NUDCD1: variants seen among roughly 807,000 people sequenced by gnomAD.
NUDCD1 encodes the protein nudC domain-containing protein 1.
In NUDCD1, 60 loss-of-function variants were observed where a neutral mutation model predicts 67.8. The observed-to-expected ratio is 0.88, with a 90% CI of 0.72 to 1.10. NUDCD1 has a LOEUF of 1.10. Ranked by LOEUF, NUDCD1 falls within the 50% of genes least tolerant of loss-of-function variation. NUDCD1 has a pLI of 0.00. For synonymous variants in NUDCD1, 244 were observed against 230.8 expected (o/e 1.06, Z -0.52); for missense variants, 643 against 695.0 (o/e 0.93, Z 0.84).
intron 5 of NUDCD1, among the ~76,000 whole-genome samples, chr8:109,282,770 G>A (rs1028200281): frequency 1.3e-5 from 2 of 151,528 alleles, no homozygotes; most frequent in African/African-American, 4.9e-5. Flanking sequence ...ACTATGGCAC[G>A]TGTATACCTA....
intron 1 of NUDCD1, among the ~76,000 whole-genome samples, chr8:109,331,547 T>C (rs1586318878): frequency 6.9e-6 from 1 of 144,684 alleles, no homozygotes; most frequent in Non-Finnish European, 1.5e-5. Flanking sequence ...AATCTTCAAA[T>C]GGCACCTGAT....
At chr8:109,282,042 C>A (rs979400441) in intron 5 of NUDCD1, among the ~76,000 whole-genome samples, 4 of 152,164 alleles carry the variant, frequency 2.6e-5, no homozygotes, top group African/African-American at 9.7e-5. Flanking sequence ...GGGAGGGTTT[C>A]TTAGCTCCAC....
chr8:109,296,342 T>C (rs1380967588), intron 3 of NUDCD1, 42 bp downstream of exon 3: 1 of 1,500,320 alleles, frequency 6.7e-7, no homozygotes, highest in South Asian at 1.2e-5. Context: ...GTAATTTACA[T>C]ATACTTTCTG....
At chr8:109,307,328 A>G (rs1815131641) in intron 2 of NUDCD1, among the ~76,000 whole-genome samples, 1 of 152,202 alleles carries the variant, frequency 6.6e-6, no homozygotes, top group South Asian at 2.1e-4. Flanking sequence ...ACCTGTAAGA[A>G]CTAATGATAA....
chr8:109,317,832 T>TA (rs1206918373), intron 2 of NUDCD1, among the ~76,000 whole-genome samples: 1 of 152,180 alleles, frequency 6.6e-6, no homozygotes, highest in Non-Finnish European at 1.5e-5. Flanking sequence ...CTTTAACGTC[T>TA]AAAAAACCTT....
intron 8 of NUDCD1, among the ~76,000 whole-genome samples, chr8:109,251,033 G>T (rs905830688): frequency 6.6e-6 from 1 of 152,128 alleles, no homozygotes; most frequent in East Asian, 1.9e-4. Flanking sequence ...AGTTTGTAGA[G>T]AATTGGTATT....
chr8:109,256,794 C>G (rs192434128), intron 8 of NUDCD1, among the ~76,000 whole-genome samples: 1 of 150,998 alleles, frequency 6.6e-6, no homozygotes, highest in Non-Finnish European at 1.5e-5. Context: ...ATGTAGTATT[C>G]CTGGCAAAAA....
intron 5 of NUDCD1, among the ~76,000 whole-genome samples, chr8:109,281,420 T>C (rs895085924): frequency 6.6e-6 from 1 of 152,122 alleles, no homozygotes. Context: ...ATACTAATGA[T>C]AGCAATCCTT....
chr8:109,271,076 A>T lies in NUDCD1; in HGVS notation c.1228T>A (p.Cys410Ser). 1 of 1,595,042 alleles carries T rather than the reference A, an allele frequency of 6.3e-7. No individual in the cohort carries two copies. The highest frequency in any genetic ancestry group is 8.6e-7 in the Non-Finnish European group (1 of 1,165,008). Residue 410 changes from cysteine (C) to serine (S), a missense_variant, in exon 8 of 10, where the codon TGT becomes AGT. Transcript: ENST00000239690. ...GAGCTCTCTTCAAAGAAAATATCAC[A>T]TTCTTCTAACTCTTGAGCATTGCAA... ...PPCNAQELEE[C>S]DIFFEESSSL...
chr8:109,331,515 C>CAAAAAAAAAAA (rs59203626), intron 1 of NUDCD1, among the ~76,000 whole-genome samples: 1 of 65,888 alleles, frequency 1.5e-5, no homozygotes, highest in African/African-American at 5.2e-5. Context: ...GACTCAGACT[C>CAAAAAAAAAAA]AAAAAAAAAA....
At chr8:109,333,426 T>C (rs1815862611) in intron 1 of NUDCD1, among the ~76,000 whole-genome samples, 1 of 152,184 alleles carries the variant, frequency 6.6e-6, no homozygotes, top group Admixed American at 6.5e-5. Flanking sequence ...TTAAAAATGC[T>C]ATGACTGGAA....
chr8:109,333,717 C>A (rs549243202), intron 1 of NUDCD1, among the ~76,000 whole-genome samples, 176 bp downstream of exon 1: 60 of 152,292 alleles, frequency 3.9e-4, no homozygotes, highest in African/African-American at 1.3e-3. Context: ...AAGGCGGCTC[C>A]CACCGGGTTC....
chr8:109,322,210 C>T, intron 2 of NUDCD1, 99 bp downstream of exon 2: 1 of 582,692 alleles, frequency 1.7e-6, no homozygotes, highest in Non-Finnish European at 3.0e-6. Flanking sequence ...GTATGTGCAC[C>T]TCACTTCTCT....
chr8:109,302,044 T>C (rs1471250389), intron 2 of NUDCD1, among the ~76,000 whole-genome samples: 2 of 152,206 alleles, frequency 1.3e-5, no homozygotes, highest in Non-Finnish European at 2.9e-5. Context: ...CTCTTTTCTC[T>C]GGGCTTGCCT....
rs182450362 is a variant in NUDCD1 at position 109,281,129 on chromosome 8, T to G, written c.867A>C (p.Val289=). 1 of 1,613,520 alleles carries G rather than the reference T, an allele frequency of 6.2e-7. No individual in the cohort carries two copies. The highest frequency in any genetic ancestry group is 2.2e-5 in the East Asian group (1 of 44,782). ...YWQQTEDDLT[V]TIRLPEDSTK... is the part of the protein sequence containing the mutation. Reference sequence around the variant, plus strand: ...TACTGTCTTCTGGAAGCCGTATGGTTACTGTCAAATCATCTTCAGTCTGTT... The same window carrying G: ...TACTGTCTTCTGGAAGCCGTATGGTGACTGTCAAATCATCTTCAGTCTGTT... Residue 289 remains valine (V), a synonymous_variant, in exon 6 of 10, where the codon GTA becomes GTC. Coordinates refer to ENST00000239690, the MANE Select transcript of NUDCD1 (RefSeq NM_032869.4).
chr8:109,256,415 T>C (rs1813739528), intron 8 of NUDCD1, among the ~76,000 whole-genome samples: 2 of 151,932 alleles, frequency 1.3e-5, no homozygotes, highest in African/African-American at 4.8e-5. Context: ...TAGTACTGTT[T>C]TGTGAAACTT....
At chr8:109,296,303 GA>G (rs961587813) in intron 3 of NUDCD1, 80 bp downstream of exon 3, 22 of 1,134,012 alleles carry the variant, frequency 1.9e-5, no homozygotes, top group African/African-American at 4.7e-5. Flanking sequence ...AACCATCCTT[GA>G]AAAGTGTCAT....
intron 8 of NUDCD1, among the ~76,000 whole-genome samples, chr8:109,260,208 G>A (rs905247003): frequency 6.6e-6 from 1 of 152,120 alleles, no homozygotes; most frequent in East Asian, 1.9e-4. Context: ...CCTTTTATTC[G>A]AGAGAAGGTC....
intron 2 of NUDCD1, among the ~76,000 whole-genome samples, chr8:109,304,439 G>A (rs1168789638): frequency 6.6e-6 from 1 of 152,096 alleles, no homozygotes; most frequent in East Asian, 1.9e-4. Context: ...GCAAAAGCAG[G>A]CTATGCTATA....
Sources: allele counts gnomAD v4.1 joint callset (sites outside exome capture counted in the v4.1 genomes callset), GRCh38; gene constraint gnomAD v4.1.1; transcripts MANE v1.5; gene names NCBI Gene and HGNC (gene_info 2026-07-23, HGNC 2026-07-21).